The following PLA2G2C variants were observed in gnomAD, a reference collection of about 807,000 sequenced individuals.
The protein encoded by PLA2G2C is phospholipase A2 group IIC, also known as putative inactive group IIC secretory phospholipase A2.
A neutral mutation model predicts 14.3 loss-of-function variants in PLA2G2C; 15 were observed. The observed-to-expected ratio is 1.05, with a 90% CI of 0.70 to 1.62. PLA2G2C has a LOEUF of 1.62. Ranked by LOEUF, PLA2G2C falls within the 40% of genes most tolerant of loss-of-function variation. The probability of loss-of-function intolerance (pLI) is 0.00; values close to 1 mark genes in which losing one functional copy is unlikely to be tolerated. For missense variants in PLA2G2C, 162 were observed against 173.2 expected (o/e 0.94, Z 0.36); for synonymous variants, 79 against 67.7 (o/e 1.17, Z -0.82).
intron 4 of PLA2G2C, among the ~76,000 whole-genome samples, chr1:20,165,826 C>T (rs10916714): frequency 0.14 from 20,638 of 151,390 alleles, 1,728 homozygotes; most frequent in East Asian, 0.47. Flanking sequence ...TGTGTGTGTG[C>T]GCGCGCGCAT....
At position 20,175,338 on chromosome 1, in the gene PLA2G2C, A is replaced by AAC. The variant is rs538434929; in HGVS notation, c.41-195_41-194dup. 221 of 761,440 alleles carry AAC rather than the reference A, an allele frequency of 2.9e-4. 1 individual carries two copies. In the African/African-American group the frequency reaches 3.6e-3, roughly 12 times the overall value. 47.2% of individuals were successfully genotyped at this position (761,440 alleles called of 1,614,324 possible). A position where few individuals can be genotyped will look rare whatever the true frequency, so the allele number is the denominator to read the frequency against. On this transcript the variant is annotated intron_variant, in intron 2 of 4. Coordinates refer to ENST00000679259, the MANE Select transcript of PLA2G2C (RefSeq NM_001367969.2). ...AAAATAGGTTCAGATTTGCCCCTGT[A>AAC]ACACAGCTAGTTTTTTGCTAACCCA...
chr1:20,182,420 G>A (rs889650261), intron 1 of PLA2G2C, among the ~76,000 whole-genome samples: 7 of 152,202 alleles, frequency 4.6e-5, no homozygotes, highest in African/African-American at 1.7e-4. Flanking sequence ...TGCTGTACAG[G>A]TTTGTGGCCT....
Position 20,163,841 on chromosome 1 carries a change from G to T in PLA2G2C, c.*150C>A. 1 of 868,046 alleles carries T rather than the reference G, an allele frequency of 1.2e-6. No homozygotes were observed. The highest frequency in any genetic ancestry group is 1.7e-6 in the Non-Finnish European group (1 of 585,594). The allele number at this position is 868,046 out of a possible 1,614,324, so 53.8% of individuals were successfully genotyped here. On this transcript the variant is annotated 3_prime_UTR_variant, in exon 5 of 5. Transcript: ENST00000679259. ...GAACGACAGGGAGTCCCCTTGGTCA[G>T]AATGCTGAAGGGTGAGCTGCCCTGC...
intron 4 of PLA2G2C, among the ~76,000 whole-genome samples, chr1:20,168,047 C>A (rs2018006681): frequency 1.3e-5 from 2 of 152,228 alleles, no homozygotes; most frequent in Non-Finnish European, 2.9e-5. Context: ...TCTTCTGACC[C>A]CAACATGCAG....
rs2017899454 is a variant in PLA2G2C at position 20,163,306 on chromosome 1, A to T, written c.*685T>A. On this transcript the variant is annotated 3_prime_UTR_variant, in exon 5 of 5. Coordinates refer to ENST00000679259, the MANE Select transcript of PLA2G2C (RefSeq NM_001367969.2). ...GGTGGGGGCAGCTGTCCTAAGAGAG[A>T]GTAGACATGCCCTAGACCTCCTGAG... 6.6e-6 allele frequency: 1 copy of T among 152,270 alleles called. No homozygotes were observed. The highest frequency in any genetic ancestry group is 2.1e-4 in the South Asian group (1 of 4,838). The allele number at this position is 152,270 out of a possible 1,614,324, so 9.4% of individuals were successfully genotyped here.
intron 4 of PLA2G2C, among the ~76,000 whole-genome samples, chr1:20,171,524 A>C (rs1163454739): frequency 1.3e-5 from 2 of 151,910 alleles, no homozygotes; most frequent in Non-Finnish European, 2.9e-5. Context: ...GGGTTGGGGG[A>C]GCTCAGGAGA....
chr1:20,180,843 G>A (rs1394307656), intron 1 of PLA2G2C, among the ~76,000 whole-genome samples: 2 of 152,252 alleles, frequency 1.3e-5, no homozygotes, highest in Non-Finnish European at 2.9e-5. Context: ...GTAAGTTGCA[G>A]GGTCCCTAGA....
chr1:20,172,040 A>G (rs919127402), intron 4 of PLA2G2C, among the ~76,000 whole-genome samples: 2 of 151,732 alleles, frequency 1.3e-5, no homozygotes, highest in Non-Finnish European at 2.9e-5. Context: ...TGGGATTACA[A>G]GCGTGAGCCA....
At chr1:20,178,964 A>G (rs528307244) in intron 1 of PLA2G2C, among the ~76,000 whole-genome samples, 3 of 152,336 alleles carry the variant, frequency 2.0e-5, no homozygotes, top group South Asian at 4.1e-4. Context: ...CTGGGGTACC[A>G]GCTGCTGCTG....
At position 20,166,131 on chromosome 1, in the gene PLA2G2C, G is replaced by A. The variant is rs560284931; in HGVS notation, c.284-1974C>T. Among the ~76,000 whole-genome samples, 4 of 152,336 alleles carry A rather than the reference G, an allele frequency of 2.6e-5. No homozygotes were observed. The South Asian group carries it at 8.3e-4, about 32-fold the overall frequency. On this transcript the variant is annotated intron_variant, in intron 4 of 4. Coordinates refer to ENST00000679259, the MANE Select transcript of PLA2G2C (RefSeq NM_001367969.2). The stretch of plus-strand genomic sequence containing the variant: ...GTGGGCGCTTGCTGCTGTTCTCAGG[G>A]TGATGCACTCCAGCTCCACGTGGAG...
chr1:20,175,793 T>G (rs1489395439), intron 2 of PLA2G2C, among the ~76,000 whole-genome samples: 1 of 152,148 alleles, frequency 6.6e-6, no homozygotes, highest in Non-Finnish European at 1.5e-5. Flanking sequence ...CTACATTTGA[T>G]AGCACTATCT....
chr1:20,167,770 G>T (rs1459478957), intron 4 of PLA2G2C, among the ~76,000 whole-genome samples: 1 of 152,086 alleles, frequency 6.6e-6, no homozygotes, highest in Non-Finnish European at 1.5e-5. Flanking sequence ...CTTCCCCAAG[G>T]CTCCTCTGCT....
chr1:20,170,346 C>T (rs2018049892), intron 4 of PLA2G2C, among the ~76,000 whole-genome samples: 2 of 152,348 alleles, frequency 1.3e-5, no homozygotes, highest in South Asian at 4.1e-4. Flanking sequence ...CTGTGGGTCT[C>T]AGTCTCTTCA....
chr1:20,176,511 G>A lies in PLA2G2C; in HGVS notation c.40+813C>T, dbSNP rs552577443. On this transcript the variant is annotated intron_variant, in intron 2 of 4. Coordinates refer to ENST00000679259, the MANE Select transcript of PLA2G2C (RefSeq NM_001367969.2). ...CTCAGGTGCCTTCGATCTCACTATC[G>A]TGTTCAGTCTAAACGGGGGTGTGGC... 1.9e-4 allele frequency among the ~76,000 whole-genome samples: 29 copies of A among 152,330 alleles called. No individual in the cohort carries two copies. In the South Asian group the frequency reaches 4.8e-3, roughly 25 times the overall value.
chr1:20,182,460 G>C (rs2018291130), intron 1 of PLA2G2C, among the ~76,000 whole-genome samples: 2 of 152,304 alleles, frequency 1.3e-5, no homozygotes. Context: ...ATATAACCTA[G>C]GTGTGTAGCA....
At chr1:20,173,224 G>T (rs996765038) in intron 3 of PLA2G2C, among the ~76,000 whole-genome samples, 1 of 151,884 alleles carries the variant, frequency 6.6e-6, no homozygotes, top group Non-Finnish European at 1.5e-5. Context: ...GCTGAAGTGG[G>T]TGGATTGCTT....
chr1:20,175,365 A>G (rs1172099709), intron 2 of PLA2G2C, among the ~76,000 whole-genome samples: 2 of 152,194 alleles, frequency 1.3e-5, no homozygotes, highest in East Asian at 1.9e-4. Flanking sequence ...GCTAACCCAG[A>G]TGAATACCCA....
chr1:20,166,330 T>C (rs961526512), intron 4 of PLA2G2C, among the ~76,000 whole-genome samples: 2 of 152,186 alleles, frequency 1.3e-5, no homozygotes, highest in Admixed American at 6.5e-5. Context: ...GCAGGGAATC[T>C]GCCAGGGATG....
At chr1:20,182,521 GA>G (rs1326278142) in intron 1 of PLA2G2C, among the ~76,000 whole-genome samples, 1 of 152,170 alleles carries the variant, frequency 6.6e-6, no homozygotes, top group Non-Finnish European at 1.5e-5. Context: ...TTTGCACAAT[GA>G]AAAAATCACC....
Sources: allele counts gnomAD v4.1 joint callset (sites outside exome capture counted in the v4.1 genomes callset), GRCh38; gene constraint gnomAD v4.1.1; transcripts MANE v1.5; gene names NCBI Gene and HGNC (gene_info 2026-07-23, HGNC 2026-07-21).